The following CHRM3 variants were observed in gnomAD, a reference collection of about 807,000 sequenced individuals.
CHRM3 encodes cholinergic receptor muscarinic 3.
A neutral mutation model predicts 41.8 loss-of-function variants in CHRM3; 11 were observed. The observed-to-expected ratio is 0.26, with a 90% CI of 0.17 to 0.44. The LOEUF (loss-of-function observed/expected upper bound fraction) is 0.44. CHRM3 is among the 20% of genes least tolerant of loss of function. The probability of loss-of-function intolerance (pLI) is 1.00; values close to 1 mark genes in which losing one functional copy is unlikely to be tolerated. For missense variants in CHRM3, 571 were observed against 745.4 expected, an observed-to-expected ratio of 0.77 and a Z score of 2.72; for synonymous variants, 297 against 301.4, an observed-to-expected ratio of 0.99 and a Z score of 0.15.
intron 5 of CHRM3, among the ~76,000 whole-genome samples, chr1:239,738,500 C>T (rs1323116495): frequency 6.6e-6 from 1 of 152,120 alleles, no homozygotes. Context: ...GAAGCATGTA[C>T]AAATGGGAGA....
intron 1 of CHRM3, among the ~76,000 whole-genome samples, chr1:239,490,842 G>T (rs1343107224): frequency 6.6e-6 from 1 of 152,000 alleles, no homozygotes; most frequent in African/African-American, 2.4e-5. Flanking sequence ...ATTCTTCCGG[G>T]GCTGACTTCC....
At chr1:239,487,812 A>G (rs1273050677) in intron 1 of CHRM3, among the ~76,000 whole-genome samples, 1 of 151,782 alleles carries the variant, frequency 6.6e-6, no homozygotes, top group African/African-American at 2.4e-5. Flanking sequence ...CTGTGCTACT[A>G]CAAATACAAA....
At chr1:239,819,199 C>G (rs984004480) in intron 5 of CHRM3, among the ~76,000 whole-genome samples, 1 of 152,218 alleles carries the variant, frequency 6.6e-6, no homozygotes, top group African/African-American at 2.4e-5. Context: ...CTAACCTGCT[C>G]TCCTTCCAGT....
intron 5 of CHRM3, among the ~76,000 whole-genome samples, chr1:239,758,401 T>C (rs568654595): frequency 9.1e-4 from 139 of 152,300 alleles, no homozygotes; most frequent in South Asian, 5.4e-3. Flanking sequence ...AGGCTACGTG[T>C]ATCCCTTCCC....
intron 4 of CHRM3, among the ~76,000 whole-genome samples, chr1:239,670,637 C>T (rs1674264351): frequency 1.3e-5 from 2 of 152,100 alleles, no homozygotes; most frequent in South Asian, 4.1e-4. Context: ...AAGAGATTCT[C>T]CTGCCTCAGC....
At chr1:239,729,614 A>T (rs1453854261) in intron 5 of CHRM3, among the ~76,000 whole-genome samples, 1 of 151,966 alleles carries the variant, frequency 6.6e-6, no homozygotes, top group Non-Finnish European at 1.5e-5. Context: ...ACTTCATAAT[A>T]GTTACAGAGT....
chr1:239,450,291 G>C (rs1664469292), intron 1 of CHRM3, among the ~76,000 whole-genome samples: 1 of 152,032 alleles, frequency 6.6e-6, no homozygotes, highest in African/African-American at 2.4e-5. Flanking sequence ...GCTTGAATCA[G>C]GGATAAATAT....
chr1:239,909,136 A>G lies in CHRM3; in HGVS notation c.1685A>G (p.Gln562Arg). 1 of 1,614,106 alleles carries G rather than the reference A, an allele frequency of 6.2e-7. No homozygotes were observed. The highest frequency in any genetic ancestry group is 8.5e-7 in the Non-Finnish European group (1 of 1,180,030). The change falls in exon 7 of 7, where the codon CAG becomes CGG. Residue 562 changes from glutamine to arginine, a missense_variant. By Grantham distance (43) the Gln-to-Arg change is conservative. Coordinates refer to ENST00000676153, the MANE Select transcript of CHRM3 (RefSeq NM_001375978.1). ...ACTTTCAAGATGCTGCTGCTGTGCC[A>G]GTGTGACAAAAAAAAGAGGCGCAAG... ...RTTFKMLLLC[Q>R]CDKKKRRKQQ... is the part of the protein sequence containing the mutation.
At chr1:239,532,948 C>A (rs779865614) in intron 2 of CHRM3, among the ~76,000 whole-genome samples, 1 of 151,960 alleles carries the variant, frequency 6.6e-6, no homozygotes, top group Non-Finnish European at 1.5e-5. Flanking sequence ...CAAAATGATC[C>A]CATAATGAAA....
In CHRM3 at chr1:239,825,777, C is replaced by T. The variant is rs1050976245; in HGVS notation, c.-146-1475C>T. On this transcript the variant is annotated intron_variant, in intron 5 of 6. Coordinates refer to ENST00000676153, the MANE Select transcript of CHRM3 (RefSeq NM_001375978.1). Reference sequence around the variant, plus strand: ...TTTCCCAGGATGGAGTGCAGTGGTGCGATCATAGCTCACTGCAGCCTTGAA... The same window carrying T: ...TTTCCCAGGATGGAGTGCAGTGGTGTGATCATAGCTCACTGCAGCCTTGAA... Among the ~76,000 whole-genome samples, 9 of 151,874 alleles carry T rather than the reference C, an allele frequency of 5.9e-5. No individual in the cohort carries two copies. The South Asian group carries it at 1.2e-3, about 21-fold the overall frequency.
intron 3 of CHRM3, among the ~76,000 whole-genome samples, chr1:239,618,158 G>GTATCTGTC (rs1667842934): frequency 6.6e-6 from 1 of 151,346 alleles, no homozygotes. Context: ...GTCTTAATGT[G>GTATCTGTC]TATCTGTCTG....
chr1:239,759,120 A>G (rs994614347), intron 5 of CHRM3, among the ~76,000 whole-genome samples: 24 of 151,094 alleles, frequency 1.6e-4, no homozygotes, highest in Non-Finnish European at 3.2e-4. Flanking sequence ...ATGAAAACCA[A>G]TCAGAACTTG....
chr1:239,447,572 G>A (rs557394860), intron 1 of CHRM3, among the ~76,000 whole-genome samples: 51 of 152,070 alleles, frequency 3.4e-4, no homozygotes, highest in Non-Finnish European at 6.6e-4. Context: ...TTTATTGTTC[G>A]TGACCAGCCT....
In CHRM3 at chr1:239,908,523, G is replaced by A; in HGVS notation, c.1072G>A (p.Gly358Ser). ...NSASSDEEDI[G>S]SETRAIYSIV... ...CGCCTCCTCCGACGAGGAGGACATT[G>A]GCTCCGAGACGAGAGCCATCTACTC... The change falls in exon 7 of 7, where the codon GGC becomes AGC. Residue 358 changes from glycine (G) to serine (S), a missense_variant. Physicochemically the swap from Gly to Ser is moderately conservative, Grantham distance 56. Transcript: ENST00000676153. This position sits in a 1 kb window ranked among gnomAD's most constrained non-coding sequence, Gnocchi z 7.2. 1.3e-6 allele frequency: 2 copies of A among 1,592,910 alleles called. No individual in the cohort carries two copies. The highest frequency in any genetic ancestry group is 1.7e-6 in the Non-Finnish European group (2 of 1,169,676).
rs80003493 is a variant in CHRM3, at chr1:239,598,652, G to A, written c.-312-33572G>A. Among the ~76,000 whole-genome samples, 1,389 of 152,242 alleles carry A rather than the reference G, an allele frequency of 9.1e-3. 20 individuals carry two copies. The highest frequency in any genetic ancestry group is 0.031 in the African/African-American group (1,291 of 41,536). The stretch of plus-strand genomic sequence containing the variant: ...ACCCCCTGACTTGTTTGGAGAAGCA[G>A]CAACAAAGGTTTCAGGTTTCTTTAA... On this transcript the variant is annotated intron_variant, in intron 3 of 6. Coordinates refer to ENST00000676153, the MANE Select transcript of CHRM3 (RefSeq NM_001375978.1).
At chr1:239,550,667 A>T (rs1013899120) in intron 3 of CHRM3, among the ~76,000 whole-genome samples, 1 of 152,232 alleles carries the variant, frequency 6.6e-6, no homozygotes, top group African/African-American at 2.4e-5. Flanking sequence ...TGATGTTTAT[A>T]TCATTTTAAG....
At chr1:239,889,792 C>T (rs1206871602) in intron 6 of CHRM3, among the ~76,000 whole-genome samples, 1 of 152,034 alleles carries the variant, frequency 6.6e-6, no homozygotes, top group Non-Finnish European at 1.5e-5. Flanking sequence ...GACAGTCTTC[C>T]CAGAGAGCAT....
rs758413973 is a variant in CHRM3 at position 239,874,285 on chromosome 1, GTATATA to G, written c.-19-33111_-19-33106del. ...AGACCTATATATATCTATATACACA[GTATATA>G]TATATATATATATATATATATATAT... On this transcript the variant is annotated intron_variant, in intron 6 of 6. Transcript: ENST00000676153. Among the ~76,000 whole-genome samples, 217 of 83,222 alleles carry G rather than the reference GTATATA, an allele frequency of 2.6e-3. 5 individuals carry two copies. Among genetic ancestry groups the G allele is most frequent in the East Asian group, 0.012 (35 of 2,828 alleles). The allele number at this position is 83,222 out of a possible 152,430, so 54.6% of individuals were successfully genotyped here. A position where few individuals can be genotyped will look rare whatever the true frequency, so the allele number is the denominator to read the frequency against.
At chr1:239,645,759 G>T (rs916120656) in intron 4 of CHRM3, among the ~76,000 whole-genome samples, 1 of 151,674 alleles carries the variant, frequency 6.6e-6, no homozygotes, top group African/African-American at 2.4e-5. Context: ...ACAAAAAAAT[G>T]TAACAAAAGA....
Sources: gnomAD v4.1 joint callset for allele counts (sites outside exome capture counted in the v4.1 genomes callset) on GRCh38, gnomAD v4.1.1 for gene constraint, Gnocchi (gnomAD v3.1) non-coding constraint, MANE v1.5 for transcripts, NCBI Gene and HGNC (gene_info 2026-07-23, HGNC 2026-07-21) for gene names.